CAMK2A: variants seen among roughly 807,000 people sequenced by gnomAD.
The protein encoded by CAMK2A is calcium/calmodulin-dependent protein kinase type II subunit alpha.
CAMK2A carries 7 observed loss-of-function variants against 79.2 expected under a neutral mutation model. The observed-to-expected ratio is 0.09, with a 90% CI of 0.05 to 0.17. The LOEUF is 0.17. CAMK2A is among the 10% of genes least tolerant of loss of function. CAMK2A has a pLI of 1.00. For synonymous variants in CAMK2A, 242 were observed against 251.7 expected (o/e 0.96, Z 0.36); for missense variants, 214 against 646.4 (o/e 0.33, Z 7.25).
chr5:150,230,317 CAAA>C (rs1216883745), intron 16 of CAMK2A, among the ~76,000 whole-genome samples: 4 of 60,596 alleles, frequency 6.6e-5, no homozygotes, highest in East Asian at 5.0e-4. Flanking sequence ...GACTCCGTCT[CAAA>C]AAAAAAAAAA....
chr5:150,257,550 G>C lies in CAMK2A; in HGVS notation c.272+13C>G. On this transcript the variant is annotated intron_variant, in intron 4 of 18. Transcript: ENST00000671881. The stretch of plus-strand genomic sequence containing the variant: ...AACACCGTTGGCGCATCCCAGGGCG[G>C]GGCCAAACTCACAGGTCGAAGATCA... 6.4e-7 allele frequency: 1 copy of C among 1,562,494 alleles called. No individual in the cohort carries two copies. Among genetic ancestry groups the C allele is most frequent in the East Asian group, 2.4e-5 (1 of 41,654 alleles).
At chr5:150,241,645 CT>C (rs1340324156) in intron 13 of CAMK2A, among the ~76,000 whole-genome samples, 1 of 138,998 alleles carries the variant, frequency 7.2e-6, no homozygotes, top group African/African-American at 3.2e-5. Flanking sequence ...TCTCCTCCTT[CT>C]TTTCTTCCTC....
chr5:150,265,029 G>A lies in CAMK2A; in HGVS notation c.158-14C>T. On this transcript the variant is annotated splice_polypyrimidine_tract_variant and intron_variant, in intron 2 of 18. Transcript: ENST00000671881. ...GCTTCTGATGGTCTGAAACACAGAG[G>A]CTCATGTGAGTCCCCGGTGAGGAAG... The A allele has an allele frequency of 6.2e-7, 1 of 1,604,396 alleles. No individual in the cohort carries two copies. Among genetic ancestry groups the A allele is most frequent in the Non-Finnish European group, 8.5e-7 (1 of 1,171,226 alleles).
chr5:150,250,392 C>T, intron 10 of CAMK2A, 83 bp from the exon 11 acceptor site: 2 of 1,142,090 alleles, frequency 1.8e-6, no homozygotes, highest in South Asian at 2.5e-5. Flanking sequence ...AGCAGGGCAT[C>T]TTAATGGAGG....
intron 2 of CAMK2A, 61 bp from the exon 3 acceptor site, chr5:150,265,076 C>G (rs1224762105): frequency 7.0e-6 from 9 of 1,285,144 alleles, no homozygotes; most frequent in Non-Finnish European, 1.0e-5. Flanking sequence ...CTCCATCTCC[C>G]CCTTCTCAAA....
At chr5:150,277,545 G>A (rs1757003635) in intron 1 of CAMK2A, among the ~76,000 whole-genome samples, 1 of 152,254 alleles carries the variant, frequency 6.6e-6, no homozygotes, top group Non-Finnish European at 1.5e-5. Flanking sequence ...TTCCTCTTCA[G>A]AACAGCACCA....
chr5:150,274,895 C>T (rs969683597), intron 1 of CAMK2A, among the ~76,000 whole-genome samples: 3 of 152,224 alleles, frequency 2.0e-5, no homozygotes, highest in African/African-American at 7.2e-5. Flanking sequence ...TTGGATGCCC[C>T]ATCCCAAGCT....
intron 3 of CAMK2A, among the ~76,000 whole-genome samples, chr5:150,263,256 G>A (rs1756366960): frequency 6.6e-6 from 1 of 152,164 alleles, no homozygotes; most frequent in Non-Finnish European, 1.5e-5. Flanking sequence ...CCATTTTATA[G>A]CTGGGAATGA....
intron 17 of CAMK2A, among the ~76,000 whole-genome samples, chr5:150,224,893 A>T (rs1280950176): frequency 6.6e-6 from 1 of 151,850 alleles, no homozygotes. Context: ...GGGAGCAGTG[A>T]CTCACTCCTG....
At chr5:150,268,153 CCG>C (rs1562187460) in intron 2 of CAMK2A, among the ~76,000 whole-genome samples, 12 of 152,268 alleles carry the variant, frequency 7.9e-5, no homozygotes, top group Admixed American at 5.2e-4. Flanking sequence ...GCTGGGATTA[CCG>C]TGCCCGGACC....
Position 150,263,967 on chromosome 5 carries a change from G to A in CAMK2A, c.217+989C>T, listed in dbSNP as rs545246734. On this transcript the variant is annotated intron_variant, in intron 3 of 18. Coordinates refer to ENST00000671881, the MANE Select transcript of CAMK2A (RefSeq NM_015981.4). ...GCCTTCTGGGTATAAATAGCAGATG[G>A]AGATGCTTCTCTCTGGCAGGAGAGT... Among the ~76,000 whole-genome samples the A allele has an allele frequency of 6.6e-5, 10 of 152,350 alleles. No individual in the cohort carries two copies. In the East Asian group the frequency reaches 1.7e-3, roughly 26 times the overall value.
At chr5:150,263,360 A>G (rs185950294) in intron 3 of CAMK2A, among the ~76,000 whole-genome samples, 123 of 152,202 alleles carry the variant, frequency 8.1e-4, no homozygotes, top group Middle Eastern at 6.8e-3. Context: ...ACATTCACAC[A>G]CACTCACATA....
Position 150,275,014 on chromosome 5 carries a change from G to A in CAMK2A, c.63-1855C>T, listed in dbSNP as rs920957126. On this transcript the variant is annotated intron_variant, in intron 1 of 18. Transcript: ENST00000671881. The stretch of plus-strand genomic sequence containing the variant: ...AGCACAGATGCCTGCTCTGCACACA[G>A]CCCTGAACATGGTATCACTGGCTTC... Among the ~76,000 whole-genome samples the A allele has an allele frequency of 3.9e-5, 6 of 152,266 alleles. No individual in the cohort carries two copies. In the East Asian group the frequency reaches 1.2e-3, roughly 29 times the overall value.
intron 11 of CAMK2A, among the ~76,000 whole-genome samples, chr5:150,248,527 T>C (rs1476356510): frequency 7.4e-5 from 9 of 121,548 alleles, no homozygotes; most frequent in African/African-American, 2.9e-4. Flanking sequence ...GATGTTCCCC[T>C]TCCTGTGTCC....
At chr5:150,262,453 C>T (rs912215531) in intron 3 of CAMK2A, among the ~76,000 whole-genome samples, 1 of 152,158 alleles carries the variant, frequency 6.6e-6, no homozygotes, top group African/African-American at 2.4e-5. Context: ...CAGCTCAAAG[C>T]TCCTCTGGGG....
chr5:150,287,835 A>T (rs1411187951), intron 1 of CAMK2A, among the ~76,000 whole-genome samples: 1 of 152,170 alleles, frequency 6.6e-6, no homozygotes. Flanking sequence ...CCGCAAAAAA[A>T]GCACATTCAG....
intron 3 of CAMK2A, among the ~76,000 whole-genome samples, chr5:150,258,896 T>C (rs1756178160): frequency 6.6e-6 from 1 of 152,146 alleles, no homozygotes; most frequent in African/African-American, 2.4e-5. Flanking sequence ...AATGAAAATT[T>C]AGGCTGGGAG....
At chr5:150,277,561 T>C (rs187420452) in intron 1 of CAMK2A, among the ~76,000 whole-genome samples, 1 of 152,346 alleles carries the variant, frequency 6.6e-6, no homozygotes, top group Admixed American at 6.5e-5. Context: ...CACCAAGCTT[T>C]TGTGTAAATT....
chr5:150,261,706 A>T (rs1031968172), intron 3 of CAMK2A, among the ~76,000 whole-genome samples: 1 of 152,166 alleles, frequency 6.6e-6, no homozygotes. Context: ...AGGACTGGGA[A>T]CAAGGGCTCT....
Sources: allele counts gnomAD v4.1 joint callset (sites outside exome capture counted in the v4.1 genomes callset), GRCh38; gene constraint gnomAD v4.1.1; transcripts MANE v1.5; gene names NCBI Gene and HGNC (gene_info 2026-07-23, HGNC 2026-07-21).